The following BIN1 variants were observed in gnomAD, a reference collection of about 807,000 sequenced individuals.
BIN1 encodes myc box-dependent-interacting protein 1.
A neutral mutation model predicts 82.0 loss-of-function variants in BIN1; 53 were observed. The observed-to-expected ratio is 0.65, with a 90% CI of 0.52 to 0.81. The LOEUF (loss-of-function observed/expected upper bound fraction) is 0.81, where lower values mean the gene tolerates loss of function less well. Ranked by LOEUF, BIN1 falls within the 40% of genes least tolerant of loss-of-function variation. BIN1 has a pLI of 0.00. For missense variants in BIN1, 642 were observed against 784.4 expected, an observed-to-expected ratio of 0.82 and a Z score of 2.17; for synonymous variants, 302 against 328.0, an observed-to-expected ratio of 0.92 and a Z score of 0.86.
At chr2:127,069,311 G>T (rs1685557117) in intron 5 of BIN1, among the ~76,000 whole-genome samples, 1 of 152,142 alleles carries the variant, frequency 6.6e-6, no homozygotes, top group African/African-American at 2.4e-5. Flanking sequence ...CTGGCCCCTG[G>T]CTTCTCATCT....
intron 5 of BIN1, 103 bp downstream of exon 5, chr2:127,069,892 C>G: frequency 7.9e-7 from 1 of 1,265,402 alleles, no homozygotes. Flanking sequence ...CTTCCTGCCT[C>G]CAGGACAGCC....
intron 7 of BIN1, 80 bp from the exon 8 acceptor site, chr2:127,064,098 C>A: frequency 6.5e-7 from 1 of 1,529,336 alleles, no homozygotes; most frequent in South Asian, 1.1e-5. Flanking sequence ...CCACCTCCTG[C>A]CCACCCCTCT....
At chr2:127,066,182 T>A (rs890637326) in intron 7 of BIN1, among the ~76,000 whole-genome samples, 1 of 152,214 alleles carries the variant, frequency 6.6e-6, no homozygotes, top group South Asian at 2.1e-4. Flanking sequence ...GCCAGCCAGC[T>A]GCCCACAGGC....
At position 127,076,724 on chromosome 2, in the gene BIN1, G is replaced by A. The variant is rs953081488; in HGVS notation, c.85-18C>T. Reference sequence around the variant, plus strand: ...TGGAGAACCTGCCGAAGCCAAGAGAGAAGGGGAGAGTGTTACCTTGGAAAG... The same window carrying A: ...TGGAGAACCTGCCGAAGCCAAGAGAAAAGGGGAGAGTGTTACCTTGGAAAG... On this transcript the variant is annotated intron_variant, in intron 1 of 18. Transcript: ENST00000316724. 3 of 1,613,848 alleles carry A rather than the reference G, an allele frequency of 1.9e-6. No individual in the cohort carries two copies. The highest frequency in any genetic ancestry group is 2.5e-6 in the Non-Finnish European group (3 of 1,179,940).
chr2:127,092,209 C>G (rs895273053), intron 1 of BIN1, among the ~76,000 whole-genome samples: 1 of 152,162 alleles, frequency 6.6e-6, no homozygotes. Flanking sequence ...CTCCCCCTAA[C>G]CCTGCCCGTC....
In BIN1 at chr2:127,066,073, C is replaced by T. The variant is rs141679482; in HGVS notation, c.613-2055G>A. On this transcript the variant is annotated intron_variant, in intron 7 of 18. Transcript: ENST00000316724. Reference sequence around the variant, plus strand: ...AACTAGCCCAGGGTCTGCATGGAGCCGGCCAGCCCCCTGGTGCAGCCTAGA... The same window carrying T: ...AACTAGCCCAGGGTCTGCATGGAGCTGGCCAGCCCCCTGGTGCAGCCTAGA... 4.3e-3 allele frequency among the ~76,000 whole-genome samples: 657 copies of T among 152,274 alleles called. 6 individuals are homozygous for T. The highest frequency in any genetic ancestry group is 0.015 in the African/African-American group (609 of 41,556).
At position 127,051,236 on chromosome 2, in the gene BIN1, T is replaced by G. The variant is rs752701141; in HGVS notation, c.1379A>C (p.Glu460Ala). 1.9e-6 allele frequency: 3 copies of G among 1,613,746 alleles called. No individual in the cohort carries two copies. The highest frequency in any genetic ancestry group is 2.5e-6 in the Non-Finnish European group (3 of 1,179,942). ...TAEPGPAQPA[E>A]ASEVAGGTQP... The stretch of plus-strand genomic sequence containing the variant: ...GGTCCCACCCGCCACCTCCGAGGCC[T>G]CTGCTGGCTGCAACATAAATGCCGG... The change falls in exon 16 of 19, where the codon GAG becomes GCG. Residue 460 changes from glutamate (E) to alanine (A), a missense_variant. Glu to Ala is a moderately radical substitution (Grantham distance 107, BLOSUM62 -1). Transcript: ENST00000316724.
intron 1 of BIN1, among the ~76,000 whole-genome samples, chr2:127,096,080 T>G (rs767925011): frequency 6.6e-6 from 1 of 152,148 alleles, no homozygotes; most frequent in Non-Finnish European, 1.5e-5. Context: ...AATGAATAAA[T>G]GATGCCAGAC....
chr2:127,078,508 T>C (rs1686901610), intron 1 of BIN1, among the ~76,000 whole-genome samples: 1 of 151,754 alleles, frequency 6.6e-6, no homozygotes, highest in South Asian at 2.1e-4. Context: ...TGACTAGAGG[T>C]CACAGAGGAT....
At chr2:127,100,707 C>A (rs941556914) in intron 1 of BIN1, among the ~76,000 whole-genome samples, 3 of 152,192 alleles carry the variant, frequency 2.0e-5, no homozygotes, top group Non-Finnish European at 4.4e-5. Context: ...CAGCCCTGAC[C>A]CCTGTCAGCC....
At chr2:127,065,951 C>A (rs1364626974) in intron 7 of BIN1, among the ~76,000 whole-genome samples, 6 of 152,202 alleles carry the variant, frequency 3.9e-5, no homozygotes, top group Non-Finnish European at 5.9e-5. Flanking sequence ...CACCCCAGCT[C>A]CACTGAAGCT....
At chr2:127,054,189 C>G (rs1683345460) in intron 12 of BIN1, 177 bp from the exon 13 acceptor site, 1 of 648,612 alleles carries the variant, frequency 1.5e-6, no homozygotes, top group African/African-American at 1.8e-5. Flanking sequence ...CAGGCACCAA[C>G]TCATCCACCT....
rs1684208166 is a variant in BIN1 at position 127,059,815 on chromosome 2, G to T, written c.858-660C>A. ...GCGTTCAGTGCCAGAACCCAAGGCG[G>T]AGGTGGTGTGATGCTGTGCACCCCA... On this transcript the variant is annotated intron_variant, in intron 10 of 18. Coordinates refer to ENST00000316724, the MANE Select transcript of BIN1 (RefSeq NM_139343.3). This position sits in a 1 kb window ranked among gnomAD's most constrained non-coding sequence, Gnocchi z 6.7. Among the ~76,000 whole-genome samples, 2 of 152,196 alleles carry T rather than the reference G, an allele frequency of 1.3e-5. No individual in the cohort carries two copies. The highest frequency in any genetic ancestry group is 6.5e-5 in the Admixed American group (1 of 15,282).
intron 18 of BIN1, among the ~76,000 whole-genome samples, chr2:127,049,206 C>A (rs1682561874): frequency 6.6e-6 from 1 of 152,170 alleles, no homozygotes; most frequent in Non-Finnish European, 1.5e-5. Context: ...TTTGTTATTT[C>A]CCTCTGTGTC....
At position 127,068,910 on chromosome 2, in the gene BIN1, C is replaced by T; in HGVS notation, c.519+14G>A. 6.2e-7 allele frequency: 1 copy of T among 1,611,690 alleles called. No individual in the cohort carries two copies. Among genetic ancestry groups the T allele is most frequent in the Non-Finnish European group, 8.5e-7 (1 of 1,177,804 alleles). On this transcript the variant is annotated intron_variant, in intron 6 of 18. Coordinates refer to ENST00000316724, the MANE Select transcript of BIN1 (RefSeq NM_139343.3). This position sits in a 1 kb window ranked among gnomAD's most constrained non-coding sequence, Gnocchi z 4.9. ...CCCCTGCAGACGCTGCCCCGACCCG[C>T]CTCCAGCCCTTACCTTGGCAATTTT...
At chr2:127,049,966 G>A (rs1332514375) in intron 18 of BIN1, among the ~76,000 whole-genome samples, 1 of 152,230 alleles carries the variant, frequency 6.6e-6, no homozygotes, top group Non-Finnish European at 1.5e-5. Flanking sequence ...CTCGAGGGAC[G>A]GCACACGGGG....
intron 8 of BIN1, 98 bp downstream of exon 8, chr2:127,063,835 G>T: frequency 6.7e-7 from 1 of 1,501,934 alleles, no homozygotes; most frequent in Non-Finnish European, 9.3e-7. Flanking sequence ...ACTGGACACC[G>T]CAGCACGCAG....
At chr2:127,053,325 G>A in intron 14 of BIN1, 97 bp downstream of exon 14, 1 of 1,525,726 alleles carries the variant, frequency 6.6e-7, no homozygotes, top group South Asian at 1.2e-5. Flanking sequence ...TGTGTGGGGT[G>A]CATGCACCTG....
intron 1 of BIN1, among the ~76,000 whole-genome samples, chr2:127,094,373 G>T (rs147939353): frequency 1.9e-4 from 29 of 152,320 alleles, no homozygotes; most frequent in African/African-American, 6.7e-4. Flanking sequence ...CCAGAAGCCA[G>T]GAACACAGGC....
Sources: gnomAD v4.1 joint callset for allele counts (sites outside exome capture counted in the v4.1 genomes callset) on GRCh38, gnomAD v4.1.1 for gene constraint, Gnocchi (gnomAD v3.1) non-coding constraint, MANE v1.5 for transcripts, NCBI Gene and HGNC (gene_info 2026-07-23, HGNC 2026-07-21) for gene names.